MED13L: variants seen among roughly 807,000 people sequenced by gnomAD.
The protein encoded by MED13L is mediator complex subunit 13L.
MED13L carries 7 observed loss-of-function variants against 220.9 expected under a neutral mutation model. That is an observed-to-expected ratio of 0.03 (90% CI 0.02 to 0.06). The LOEUF (loss-of-function observed/expected upper bound fraction) is 0.06. MED13L is among the 10% of genes least tolerant of loss of function. The pLI, the probability that MED13L is intolerant of heterozygous loss-of-function variation, is 1.00. For synonymous variants in MED13L, 1,011 were observed against 1,015.2 expected, an observed-to-expected ratio of 1.00 and a Z score of 0.08; for missense variants, 1,965 against 2,760.5, an observed-to-expected ratio of 0.71 and a Z score of 6.46.
chr12:116,152,769 G>C (rs1303469359), intron 2 of MED13L, among the ~76,000 whole-genome samples: 1 of 152,070 alleles, frequency 6.6e-6, no homozygotes, highest in Non-Finnish European at 1.5e-5. Flanking sequence ...GCTAAAATAC[G>C]ATAGGTTATG....
chr12:116,218,746 T>TG (rs1274160231), intron 2 of MED13L, among the ~76,000 whole-genome samples: 1 of 152,112 alleles, frequency 6.6e-6, no homozygotes, highest in Non-Finnish European at 1.5e-5. Flanking sequence ...ATTTTTTTTT[T>TG]TTTTGGAGAC....
chr12:115,997,308 T>C, intron 14 of MED13L, 78 bp from the exon 15 acceptor site: 1 of 1,163,566 alleles, frequency 8.6e-7, no homozygotes, highest in Non-Finnish European at 1.3e-6. Context: ...AGGCGCACTC[T>C]TTGGCACCAA....
intron 2 of MED13L, among the ~76,000 whole-genome samples, chr12:116,184,770 T>C (rs189025192): frequency 1.7e-4 from 26 of 152,324 alleles, no homozygotes; most frequent in Non-Finnish European, 3.1e-4. Flanking sequence ...TAACTATTTA[T>C]CACTTGAATT....
chr12:116,122,323 A>C (rs779002889), intron 2 of MED13L, among the ~76,000 whole-genome samples: 2 of 152,212 alleles, frequency 1.3e-5, no homozygotes, highest in Non-Finnish European at 2.9e-5. Flanking sequence ...ATAGCACTTC[A>C]CACATAAAAA....
In MED13L at chr12:116,205,434, C is replaced by T. The variant is rs533868320; in HGVS notation, c.310+32034G>A. On this transcript the variant is annotated intron_variant, in intron 2 of 30. Coordinates refer to ENST00000281928, the MANE Select transcript of MED13L (RefSeq NM_015335.5). ...GACATAAGTTCTTATTAGAAGATTCCTTCCCTCACCACCCCATAAAAGAAG... is the reference window on the plus strand; with the variant it reads ...GACATAAGTTCTTATTAGAAGATTCTTTCCCTCACCACCCCATAAAAGAAG... Among the ~76,000 whole-genome samples the T allele has an allele frequency of 2.7e-5, 4 of 148,334 alleles. No homozygotes were observed. In the South Asian group the frequency reaches 8.6e-4, roughly 32 times the overall value.
intron 2 of MED13L, among the ~76,000 whole-genome samples, chr12:116,142,672 G>A (rs1199518799): frequency 1.3e-5 from 2 of 152,150 alleles, no homozygotes; most frequent in South Asian, 4.2e-4. Flanking sequence ...TGGACGACAA[G>A]AGTGAGGCCC....
At position 116,221,022 on chromosome 12, in the gene MED13L, C is replaced by A. The variant is rs890859564; in HGVS notation, c.310+16446G>T. Reference sequence around the variant, plus strand: ...AAAGCTGCCACTTATTTGATAACTACTAACTCTATCCTACATATTAAATAA... The same window carrying A: ...AAAGCTGCCACTTATTTGATAACTAATAACTCTATCCTACATATTAAATAA... On this transcript the variant is annotated intron_variant, in intron 2 of 30. Coordinates refer to ENST00000281928, the MANE Select transcript of MED13L (RefSeq NM_015335.5). Among the ~76,000 whole-genome samples, 4 of 152,196 alleles carry A rather than the reference C, an allele frequency of 2.6e-5. No individual in the cohort carries two copies. The East Asian group carries it at 7.7e-4, about 29-fold the overall frequency.
chr12:116,160,954 CAG>C (rs1243903998), intron 2 of MED13L, among the ~76,000 whole-genome samples: 1 of 152,110 alleles, frequency 6.6e-6, no homozygotes, highest in Non-Finnish European at 1.5e-5. Context: ...GCTGCTATAA[CAG>C]AATATCTGAG....
intron 2 of MED13L, among the ~76,000 whole-genome samples, chr12:116,142,054 T>A (rs1333962152): frequency 2.6e-5 from 4 of 152,116 alleles, no homozygotes; most frequent in Non-Finnish European, 5.9e-5. Context: ...CAGATATCCA[T>A]CCCCACACCT....
At chr12:115,975,379 T>A in intron 24 of MED13L, 66 bp from the exon 25 acceptor site, 1 of 1,611,090 alleles carries the variant, frequency 6.2e-7, no homozygotes, top group Non-Finnish European at 8.5e-7. Context: ...TTATCACTTA[T>A]AAGACAAACA....
chr12:115,989,486 T>C (rs1214837435), intron 17 of MED13L, among the ~76,000 whole-genome samples: 1 of 151,740 alleles, frequency 6.6e-6, no homozygotes, highest in African/African-American at 2.4e-5. Context: ...CGTCTATACT[T>C]TTCTCCTCCT....
chr12:116,031,675 A>C (rs181567585), intron 4 of MED13L, among the ~76,000 whole-genome samples: 2 of 68,100 alleles, frequency 2.9e-5, no homozygotes, highest in Non-Finnish European at 6.2e-5. Flanking sequence ...GGAGAAAAGA[A>C]AAAAGAAAAG....
chr12:116,011,430 T>A (rs1879391166), intron 9 of MED13L, among the ~76,000 whole-genome samples: 1 of 152,202 alleles, frequency 6.6e-6, no homozygotes, highest in Non-Finnish European at 1.5e-5. Context: ...TAAAAATGTG[T>A]AAAAGTCAGT....
intron 4 of MED13L, among the ~76,000 whole-genome samples, chr12:116,076,622 C>A (rs1249032092): frequency 1.3e-5 from 2 of 152,136 alleles, no homozygotes; most frequent in Non-Finnish European, 2.9e-5. Context: ...TCTGCAGAAG[C>A]AAGGGGTCAA....
chr12:116,156,344 A>G (rs1414365367), intron 2 of MED13L, among the ~76,000 whole-genome samples: 5 of 151,822 alleles, frequency 3.3e-5, no homozygotes, highest in Non-Finnish European at 7.4e-5. Flanking sequence ...CCAAATTAAC[A>G]AATGAAGGAA....
intron 1 of MED13L, among the ~76,000 whole-genome samples, chr12:116,243,064 TAG>T (rs2138485397): frequency 6.6e-6 from 1 of 152,324 alleles, no homozygotes; most frequent in South Asian, 2.1e-4. Flanking sequence ...ATCCCATGAA[TAG>T]ACTTTTATTT....
chr12:116,111,270 A>G (rs1026942387), intron 3 of MED13L, among the ~76,000 whole-genome samples, 158 bp downstream of exon 3: 1 of 152,204 alleles, frequency 6.6e-6, no homozygotes, highest in African/African-American at 2.4e-5. Context: ...CTAAATTTCA[A>G]ATTATATCAA....
chr12:116,060,972 A>G (rs1271850704), intron 4 of MED13L, among the ~76,000 whole-genome samples: 1 of 152,188 alleles, frequency 6.6e-6, no homozygotes, highest in Admixed American at 6.5e-5. Flanking sequence ...ATGTGGGCAT[A>G]TGTGTCTTCT....
intron 1 of MED13L, among the ~76,000 whole-genome samples, chr12:116,262,764 G>A (rs1290280205): frequency 6.6e-6 from 1 of 152,148 alleles, no homozygotes; most frequent in East Asian, 1.9e-4. Flanking sequence ...TCATTCCGCT[G>A]TTTAATTAAA....
Sources: gnomAD v4.1 joint callset for allele counts (sites outside exome capture counted in the v4.1 genomes callset) on GRCh38, gnomAD v4.1.1 for gene constraint, MANE v1.5 for transcripts, NCBI Gene and HGNC (gene_info 2026-07-23, HGNC 2026-07-21) for gene names.